TBCK: variants seen among roughly 807,000 people sequenced by gnomAD.
TBCK encodes the protein TBC1 domain containing kinase, also known as TBC domain-containing protein kinase-like protein.
A neutral mutation model predicts 113.4 loss-of-function variants in TBCK; 99 were observed. That is an observed-to-expected ratio of 0.87 (90% CI 0.74 to 1.03). The LOEUF (loss-of-function observed/expected upper bound fraction) is 1.03, where lower values mean the gene tolerates loss of function less well. Among genes scored for constraint, TBCK ranks in the 50% least tolerant of loss-of-function variants. The pLI is 0.00. For missense variants in TBCK, 1,045 were observed against 1,061.3 expected, an observed-to-expected ratio of 0.98 and a Z score of 0.21; for synonymous variants, 369 against 370.8, an observed-to-expected ratio of 1.00 and a Z score of 0.05.
chr4:106,098,057 C>T (rs758181491), intron 24 of TBCK, among the ~76,000 whole-genome samples: 1 of 151,922 alleles, frequency 6.6e-6, no homozygotes, highest in African/African-American at 2.4e-5. Context: ...CAGTGGAAAA[C>T]AAGTATACAT....
rs563683978 is a variant in TBCK, at chr4:106,145,616, G to A, written c.2235+25479C>T. On this transcript the variant is annotated intron_variant, in intron 23 of 25. Coordinates refer to ENST00000394708, the MANE Select transcript of TBCK (RefSeq NM_001163435.3). ...TTATACTATAATCTATTAGATGTGCGAAAACATGATCTAGAAGAAGATAAT... is the reference window on the plus strand; with the variant it reads ...TTATACTATAATCTATTAGATGTGCAAAAACATGATCTAGAAGAAGATAAT... 7.9e-5 allele frequency among the ~76,000 whole-genome samples: 12 copies of A among 152,236 alleles called. No homozygotes were observed. In the East Asian group the frequency reaches 1.5e-3, roughly 20 times the overall value.
chr4:106,300,050 G>A (rs917184223), intron 2 of TBCK, among the ~76,000 whole-genome samples: 1 of 152,156 alleles, frequency 6.6e-6, no homozygotes, highest in African/African-American at 2.4e-5. Flanking sequence ...TCTTTCCCAT[G>A]CTGTTCTTGT....
At position 106,242,493 on chromosome 4, in the gene TBCK, A is replaced by G. The variant is rs1007066294; in HGVS notation, c.1147T>C (p.Leu383=). The change falls in exon 12 of 26, where the codon TTG becomes CTG. Residue 383 remains leucine (L), a synonymous_variant. Transcript: ENST00000394708. ...SSLLDDTTVT[L]SLCQLRNRLK... is the part of the protein sequence containing the mutation. ...ACATTTCTTAGCTGGCATAACGACA[A>G]TGTCACAGTGGTATCATCTAAAAGC... 62 of 1,605,380 alleles carry G rather than the reference A, an allele frequency of 3.9e-5. No homozygotes were observed. The highest frequency in any genetic ancestry group is 5.1e-5 in the Non-Finnish European group (60 of 1,176,138).
intron 24 of TBCK, among the ~76,000 whole-genome samples, chr4:106,099,706 A>G (rs998459122): frequency 6.6e-6 from 1 of 152,266 alleles, no homozygotes; most frequent in Non-Finnish European, 1.5e-5. Flanking sequence ...CAGCTCTAAT[A>G]AATCTTGTAC....
At chr4:106,144,364 C>T (rs1747511844) in intron 23 of TBCK, among the ~76,000 whole-genome samples, 1 of 152,094 alleles carries the variant, frequency 6.6e-6, no homozygotes, top group African/African-American at 2.4e-5. Context: ...AGGGGCATTG[C>T]TCAACTTATT....
chr4:106,296,591 G>A (rs1766328691), intron 2 of TBCK, among the ~76,000 whole-genome samples: 1 of 152,092 alleles, frequency 6.6e-6, no homozygotes, highest in African/African-American at 2.4e-5. Flanking sequence ...GTCAAGTGCA[G>A]GAGCAAAGTA....
chr4:106,219,752 T>C (rs1757451294), intron 19 of TBCK, among the ~76,000 whole-genome samples: 1 of 152,142 alleles, frequency 6.6e-6, no homozygotes, highest in African/African-American at 2.4e-5. Context: ...TTGTCTAGGC[T>C]GGTCTCAAAC....
intron 23 of TBCK, among the ~76,000 whole-genome samples, chr4:106,167,116 CTG>C (rs1173076163): frequency 4.2e-5 from 6 of 141,972 alleles, no homozygotes; most frequent in African/African-American, 1.6e-4. Flanking sequence ...TATATACACA[CTG>C]TATATATATA....
intron 23 of TBCK, among the ~76,000 whole-genome samples, chr4:106,124,969 T>C (rs1193281507): frequency 6.8e-6 from 1 of 147,078 alleles, no homozygotes; most frequent in Non-Finnish European, 1.5e-5. Context: ...ACCTGCACAA[T>C]GTGCACATGT....
At chr4:106,293,938 C>T (rs1416824947) in intron 3 of TBCK, among the ~76,000 whole-genome samples, 1 of 152,092 alleles carries the variant, frequency 6.6e-6, no homozygotes, top group Non-Finnish European at 1.5e-5. Flanking sequence ...AAGGTCACTT[C>T]GGGAAATCTG....
intron 22 of TBCK, among the ~76,000 whole-genome samples, chr4:106,184,474 C>T (rs1752778733): frequency 6.6e-6 from 1 of 151,950 alleles, no homozygotes; most frequent in African/African-American, 2.4e-5. Context: ...AAGTATCAGT[C>T]ACACTTACAG....
chr4:106,069,169 T>C (rs149736942), intron 25 of TBCK, among the ~76,000 whole-genome samples: 6,284 of 152,322 alleles, frequency 0.041, 437 homozygotes, highest in African/African-American at 0.14. Context: ...TTTGTCAATT[T>C]TGGCTTTTGT....
chr4:106,089,205 G>C (rs1280704487), intron 25 of TBCK, among the ~76,000 whole-genome samples: 1 of 152,098 alleles, frequency 6.6e-6, no homozygotes, highest in African/African-American at 2.4e-5. Context: ...GGGAACAAGA[G>C]AGAGAGGAGG....
At chr4:106,274,884 T>C (rs1579475058) in intron 3 of TBCK, among the ~76,000 whole-genome samples, 2 of 152,216 alleles carry the variant, frequency 1.3e-5, no homozygotes, top group Non-Finnish European at 2.9e-5. Flanking sequence ...GTAATCTCAG[T>C]GCTGTGGGAG....
At chr4:106,236,954 C>T in intron 12 of TBCK, 146 bp from the exon 13 acceptor site, 1 of 428,636 alleles carries the variant, frequency 2.3e-6, no homozygotes, top group Non-Finnish European at 4.1e-6. Flanking sequence ...TCAGTTCTTA[C>T]CATAAACATG....
rs140410590 is a variant in TBCK at position 106,155,074 on chromosome 4, TTGTC to T, written c.2235+16017_2235+16020del. Among the ~76,000 whole-genome samples, 435 of 152,238 alleles carry T rather than the reference TTGTC, an allele frequency of 2.9e-3. 1 individual carries two copies. Among genetic ancestry groups the T allele is most frequent in the African/African-American group, 9.9e-3 (412 of 41,568 alleles). Reference sequence around the variant, plus strand: ...ATTGATGAAATCCTTCACTTTTTGTTTGTCTGGGAAGTTTTATTTCTCATTCATG... The same window carrying T: ...ATTGATGAAATCCTTCACTTTTTGTTTGGGAAGTTTTATTTCTCATTCATG... On this transcript the variant is annotated intron_variant, in intron 23 of 25. Transcript: ENST00000394708.
intron 2 of TBCK, among the ~76,000 whole-genome samples, chr4:106,297,452 T>G (rs895931610): frequency 3.9e-5 from 6 of 152,206 alleles, no homozygotes; most frequent in African/African-American, 1.2e-4. Context: ...TTCTAGAATC[T>G]ATATAGTTTG....
intron 25 of TBCK, among the ~76,000 whole-genome samples, chr4:106,076,642 G>C (rs1738227508): frequency 6.6e-6 from 1 of 152,086 alleles, no homozygotes; most frequent in Non-Finnish European, 1.5e-5. Flanking sequence ...CTTACAAAGG[G>C]AACTCTGTCA....
At chr4:106,250,396 TA>T in intron 7 of TBCK, 21 bp downstream of exon 7, 1 of 1,457,002 alleles carries the variant, frequency 6.9e-7, no homozygotes, top group Non-Finnish European at 9.5e-7. Context: ...ATTTGAAAGA[TA>T]AGCAATTGTA....
Sources: gnomAD v4.1 joint callset for allele counts (sites outside exome capture counted in the v4.1 genomes callset) on GRCh38, gnomAD v4.1.1 for gene constraint, MANE v1.5 for transcripts, NCBI Gene and HGNC (gene_info 2026-07-23, HGNC 2026-07-21) for gene names.